HIP1: variants seen among roughly 807,000 people sequenced by gnomAD.
HIP1 encodes the protein huntingtin interacting protein 1.
Under a neutral mutation model 147.6 loss-of-function variants are expected in HIP1, and 65 were observed. The observed-to-expected ratio is 0.44, with a 90% CI of 0.36 to 0.54. The LOEUF is 0.54. Ranked by LOEUF, HIP1 falls within the 20% of genes least tolerant of loss-of-function variation. The pLI is 0.00. For missense variants in HIP1, 1,061 were observed against 1,299.6 expected (o/e 0.82, Z 2.82); for synonymous variants, 479 against 504.0 (o/e 0.95, Z 0.67).
chr7:75,616,069 G>C (rs1308806974), intron 1 of HIP1, among the ~76,000 whole-genome samples: 5 of 89,982 alleles, frequency 5.6e-5, no homozygotes, highest in African/African-American at 1.9e-4. Context: ...CTGGGCGACA[G>C]AGTAAGACTC....
intron 28 of HIP1, 106 bp downstream of exon 28, chr7:75,542,745 A>G (rs1794383520): frequency 1.9e-6 from 2 of 1,070,196 alleles, no homozygotes; most frequent in South Asian, 3.2e-5. Context: ...GAAAAATATG[A>G]AAGAATTTAG....
At chr7:75,561,300 C>G (rs781929729) in intron 13 of HIP1, 29 bp downstream of exon 13, 4 of 1,496,454 alleles carry the variant, frequency 2.7e-6, no homozygotes, top group Non-Finnish European at 3.7e-6. Flanking sequence ...TTTGGTGAAG[C>G]GCAAAGGCAG....
At chr7:75,540,156 G>A (rs782545269) in intron 29 of HIP1, among the ~76,000 whole-genome samples, 5 of 152,098 alleles carry the variant, frequency 3.3e-5, no homozygotes, top group Non-Finnish European at 5.9e-5. Context: ...GGCCGGGCAT[G>A]GTGGCTTATG....
chr7:75,562,871 C>T, intron 11 of HIP1, 64 bp downstream of exon 11: 1 of 1,562,426 alleles, frequency 6.4e-7, no homozygotes, highest in Non-Finnish European at 8.8e-7. Context: ...GGGTCTCCCC[C>T]AGCCTCTCCC....
At chr7:75,705,286 G>A (rs1251159642) in intron 1 of HIP1, among the ~76,000 whole-genome samples, 2 of 152,004 alleles carry the variant, frequency 1.3e-5, no homozygotes, top group Non-Finnish European at 2.9e-5. Flanking sequence ...TGTCTTTTTA[G>A]GACTCACTTA....
chr7:75,643,925 G>C (rs1245439581), intron 1 of HIP1, among the ~76,000 whole-genome samples: 1 of 152,144 alleles, frequency 6.6e-6, no homozygotes, highest in African/African-American at 2.4e-5. Context: ...ACTTGGCCCT[G>C]GGAGGCGGAG....
chr7:75,707,483 TG>T (rs1265442910), intron 1 of HIP1, among the ~76,000 whole-genome samples: 1 of 137,046 alleles, frequency 7.3e-6, no homozygotes, highest in African/African-American at 2.9e-5. Context: ...TGGGGTTGTT[TG>T]TTTTTTTCTT....
At chr7:75,642,163 C>CT (rs1303986542) in intron 1 of HIP1, among the ~76,000 whole-genome samples, 2 of 152,130 alleles carry the variant, frequency 1.3e-5, no homozygotes, top group African/African-American at 4.8e-5. Context: ...CTTTGGGAGG[C>CT]TGAGGTGGGA....
chr7:75,689,634 C>T (rs184744621), intron 1 of HIP1, among the ~76,000 whole-genome samples: 162 of 152,194 alleles, frequency 1.1e-3, no homozygotes, highest in African/African-American at 3.6e-3. Flanking sequence ...TTGGCTGTGC[C>T]GTGGCATTCA....
intron 1 of HIP1, among the ~76,000 whole-genome samples, chr7:75,635,532 C>T (rs1012297850): frequency 7.1e-6 from 1 of 140,338 alleles, no homozygotes; most frequent in South Asian, 2.2e-4. Context: ...GAGCCGAGAT[C>T]GTGCCACTGC....
chr7:75,602,635 TG>T (rs1797049186), intron 1 of HIP1, among the ~76,000 whole-genome samples: 1 of 151,380 alleles, frequency 6.6e-6, no homozygotes, highest in Non-Finnish European at 1.5e-5. Flanking sequence ...CCCGAGTAGC[TG>T]GGACTACAGG....
At chr7:75,639,590 T>TGTGTGCGTGC (rs533751823) in intron 1 of HIP1, among the ~76,000 whole-genome samples, 9 of 150,014 alleles carry the variant, frequency 6.0e-5, no homozygotes, top group African/African-American at 1.2e-4. Context: ...TGTGTGTGTG[T>TGTGTGCGTGC]GTGCGCCCGC....
Position 75,546,980 on chromosome 7 carries a change from C to A in HIP1, c.2518G>T (p.Ala840Ser), listed in dbSNP as rs782021343. 1 of 1,586,390 alleles carries A rather than the reference C, an allele frequency of 6.3e-7. No homozygotes were observed. The highest frequency in any genetic ancestry group is 1.2e-5 in the South Asian group (1 of 86,682). Residue 840 changes from alanine (A) to serine (S), a missense_variant, in exon 25 of 31, where the codon GCC becomes TCC. Ala to Ser is a moderately conservative substitution (Grantham distance 99). Transcript: ENST00000336926. The stretch of plus-strand genomic sequence containing the variant: ...ATCTCTCTCTGGAGGTCCTTAGAGG[C>A]CACGATGAGCACCTGAATAGCTTGC... ...LMQAIQVLIV[A>S]SKDLQREIVE...
intron 1 of HIP1, among the ~76,000 whole-genome samples, chr7:75,614,789 T>C (rs962588767): frequency 3.3e-5 from 5 of 152,194 alleles, no homozygotes; most frequent in African/African-American, 1.2e-4. Context: ...TTTTTCTTTT[T>C]CTGAGACGGA....
At chr7:75,613,184 A>G (rs1264033301) in intron 1 of HIP1, among the ~76,000 whole-genome samples, 1 of 152,150 alleles carries the variant, frequency 6.6e-6, no homozygotes, top group Non-Finnish European at 1.5e-5. Flanking sequence ...TACAGGTGGC[A>G]ATAGCTCAGG....
At chr7:75,719,467 G>T (rs371368355) in intron 1 of HIP1, among the ~76,000 whole-genome samples, 425 of 150,264 alleles carry the variant, frequency 2.8e-3, no homozygotes, top group African/African-American at 9.5e-3. Context: ...TCATGCCGCT[G>T]CACTCCAGAC....
chr7:75,645,292 TCTTGGCTCACTGCAAC>T (rs1435930083), intron 1 of HIP1, among the ~76,000 whole-genome samples: 7 of 152,172 alleles, frequency 4.6e-5, no homozygotes, highest in African/African-American at 1.7e-4. Context: ...AATGGTGCAA[TCTTGGCTCACTGCAAC>T]CTCCAACTCC....
Position 75,633,781 on chromosome 7 carries a change from C to G in HIP1, c.121-34534G>C, listed in dbSNP as rs148529035. ...TCCAACCCAGCAAATACATGTGATA[C>G]CAGCAGCAACAACAGGTTGACCAGA... On this transcript the variant is annotated intron_variant, in intron 1 of 30. Transcript: ENST00000336926. Among the ~76,000 whole-genome samples, 771 of 152,258 alleles carry G rather than the reference C, an allele frequency of 5.1e-3. 7 individuals are homozygous for G. Among genetic ancestry groups the G allele is most frequent in the African/African-American group, 0.017 (693 of 41,554 alleles).
At chr7:75,710,595 C>T (rs993119435) in intron 1 of HIP1, among the ~76,000 whole-genome samples, 2 of 152,002 alleles carry the variant, frequency 1.3e-5, no homozygotes, top group African/African-American at 4.8e-5. Context: ...TAGTTCTAAA[C>T]GATCTTGTAA....
Sources: gnomAD v4.1 joint callset for allele counts (sites outside exome capture counted in the v4.1 genomes callset) on GRCh38, gnomAD v4.1.1 for gene constraint, MANE v1.5 for transcripts, NCBI Gene and HGNC (gene_info 2026-07-23, HGNC 2026-07-21) for gene names.